The following NGLY1 variants were observed in gnomAD, a reference collection of about 807,000 sequenced individuals.
NGLY1 encodes the protein N-glycanase 1.
Under a neutral mutation model 84.6 loss-of-function variants are expected in NGLY1, and 68 were observed. That is an observed-to-expected ratio of 0.80 (90% CI 0.66 to 0.98). The LOEUF (loss-of-function observed/expected upper bound fraction) is 0.98. NGLY1 is among the 50% of genes least tolerant of loss of function. The pLI is 0.00. For synonymous variants in NGLY1, 280 were observed against 275.2 expected, an observed-to-expected ratio of 1.02 and a Z score of -0.17; for missense variants, 779 against 770.2, an observed-to-expected ratio of 1.01 and a Z score of -0.14.
At chr3:25,770,030 TATA>T (rs1707816933) in intron 2 of NGLY1, among the ~76,000 whole-genome samples, 1 of 152,048 alleles carries the variant, frequency 6.6e-6, no homozygotes, top group South Asian at 2.1e-4. Context: ...AGTGAGAACA[TATA>T]ATGTTTGGTT....
In NGLY1 at chr3:25,762,753, G is replaced by T. The variant is rs1707376603; in HGVS notation, c.492+1313C>A. Among the ~76,000 whole-genome samples, 4 of 152,140 alleles carry T rather than the reference G, an allele frequency of 2.6e-5. No individual in the cohort carries two copies. The South Asian group carries it at 8.3e-4, about 32-fold the overall frequency. ...GATCACTTGAGGTCAGGAGTTTTGAGACCAGCCTGGCACACATGGAGAAAC... is the reference window on the plus strand; with the variant it reads ...GATCACTTGAGGTCAGGAGTTTTGATACCAGCCTGGCACACATGGAGAAAC... On this transcript the variant is annotated intron_variant, in intron 3 of 11. Transcript: ENST00000280700.
chr3:25,768,112 C>CA lies in NGLY1; in HGVS notation c.247-3802dup, dbSNP rs1165791295. Among the ~76,000 whole-genome samples the CA allele has an allele frequency of 8.2e-3, 402 of 48,812 alleles. 4 individuals are homozygous for CA. Among genetic ancestry groups the CA allele is most frequent in the African/African-American group, 0.014 (178 of 12,852 alleles). 32.0% of individuals were successfully genotyped at this position (48,812 alleles called of 152,430 possible). A position where few individuals can be genotyped will look rare whatever the true frequency, so the allele number is the denominator to read the frequency against. On this transcript the variant is annotated intron_variant, in intron 2 of 11. Transcript: ENST00000280700. ...TGGGCGACAGAGCAAGACTCCATCT[C>CA]AAAAAAAAAAAAAAAAAAAAAAAAG...
rs752318754 is a variant in NGLY1 at position 25,736,111 on chromosome 3, G to A, written c.1042C>T (p.Arg348Trp). 4.3e-6 allele frequency: 7 copies of A among 1,613,830 alleles called. No individual in the cohort carries two copies. The East Asian group carries it at 6.7e-5, about 15-fold the overall frequency. ...WTEVYSPSQQ[R>W]WLHCDACEDV... ...TCACATGCATCACAGTGCAGCCACC[G>A]CTGCTGAGAAGGAGAATAGACTTCT... The change falls in exon 7 of 12, where the codon CGG becomes TGG. Residue 348 changes from arginine to tryptophan, a missense_variant. Physicochemically the swap from Arg to Trp is moderately radical, Grantham distance 101. Coordinates refer to ENST00000280700, the MANE Select transcript of NGLY1 (RefSeq NM_018297.4).
Position 25,720,083 on chromosome 3 carries a change from GACT to G in NGLY1, c.1717_1719del (p.Ser573del), listed in dbSNP as rs763674545. 7 of 1,613,736 alleles carry G rather than the reference GACT, an allele frequency of 4.3e-6. No individual in the cohort carries two copies. The highest frequency in any genetic ancestry group is 1.7e-4 in the Middle Eastern group (1 of 6,060). ...TCTACTGTTCCAGTCTGAAAAGTTT[GACT>G]ACTTGTTCTAATAGAAATGCTATCT... On this transcript the variant is annotated inframe_deletion, in exon 11 of 12. Transcript: ENST00000280700.
At chr3:25,759,993 C>A (rs1446908261) in intron 3 of NGLY1, among the ~76,000 whole-genome samples, 1 of 151,218 alleles carries the variant, frequency 6.6e-6, no homozygotes, top group Non-Finnish European at 1.5e-5. Context: ...TTTATGCAAC[C>A]CTTTATTTTG....
At position 25,778,621 on chromosome 3, in the gene NGLY1, G is replaced by T. The variant is rs1355136163; in HGVS notation, c.199C>A (p.Pro67Thr). 1 of 1,611,822 alleles carries T rather than the reference G, an allele frequency of 6.2e-7. No individual in the cohort carries two copies. Among genetic ancestry groups the T allele is most frequent in the East Asian group, 2.2e-5 (1 of 44,764 alleles). Residue 67 changes from proline to threonine, a missense_variant, in exon 2 of 12, where the codon CCT becomes ACT. Transcript: ENST00000280700. ...AAACATTCAACAGCTCCTCTGACAG[G>T]CAAGAGTCTAGTAGAAAAGGCTGTG... is the stretch of plus-strand genomic sequence containing the variant. ...GNTAFSTRLL[P>T]VRGAVECLFE...
chr3:25,754,530 C>T (rs1465421874), intron 3 of NGLY1, among the ~76,000 whole-genome samples: 1 of 152,026 alleles, frequency 6.6e-6, no homozygotes, highest in East Asian at 1.9e-4. Context: ...AAGAGTAAAA[C>T]GATCTGATGT....
At chr3:25,753,550 T>C (rs1278386478) in intron 3 of NGLY1, among the ~76,000 whole-genome samples, 1 of 152,070 alleles carries the variant, frequency 6.6e-6, no homozygotes. Flanking sequence ...AATTTTTTCA[T>C]AGGAAAGGTA....
chr3:25,787,997 G>A (rs372193653), upstream of NGLY1, among the ~76,000 whole-genome samples: 4 of 152,270 alleles, frequency 2.6e-5, no homozygotes, highest in African/African-American at 7.2e-5. Flanking sequence ...CTGACTTTAC[G>A]AGGTAGCACA....
chr3:25,743,653 G>C (rs1332241011), intron 4 of NGLY1, among the ~76,000 whole-genome samples: 1 of 151,954 alleles, frequency 6.6e-6, no homozygotes, highest in Non-Finnish European at 1.5e-5. Context: ...TGTTCTGCTT[G>C]CTATACACTA....
intron 2 of NGLY1, among the ~76,000 whole-genome samples, chr3:25,768,916 T>A (rs996802037): frequency 6.6e-6 from 1 of 151,956 alleles, no homozygotes; most frequent in Non-Finnish European, 1.5e-5. Context: ...ATTAAAAAGC[T>A]TATGCACAGC....
intron 4 of NGLY1, chr3:25,749,504 C>A (rs1363302849): frequency 2.5e-6 from 4 of 1,576,386 alleles, no homozygotes; most frequent in African/African-American, 1.3e-5. Context: ...GCCCTCAGAC[C>A]CCTTGTGAAG....
At chr3:25,761,349 G>A (rs1287845588) in intron 3 of NGLY1, among the ~76,000 whole-genome samples, 1 of 152,050 alleles carries the variant, frequency 6.6e-6, no homozygotes, top group Non-Finnish European at 1.5e-5. Flanking sequence ...TTGAAAAATT[G>A]TCCTTGCTGT....
chr3:25,733,202 T>C (rs1024159473), intron 8 of NGLY1, among the ~76,000 whole-genome samples: 1 of 152,134 alleles, frequency 6.6e-6, no homozygotes, highest in Non-Finnish European at 1.5e-5. Context: ...AGATTCAAAA[T>C]AGACTGAAAC....
chr3:25,782,006 A>G (rs1434535567), intron 1 of NGLY1, among the ~76,000 whole-genome samples: 1 of 152,132 alleles, frequency 6.6e-6, no homozygotes, highest in Non-Finnish European at 1.5e-5. Context: ...AAGGCCTCAA[A>G]GAGTAAAAAA....
At chr3:25,738,625 A>T (rs566797535) in intron 5 of NGLY1, among the ~76,000 whole-genome samples, 7 of 146,268 alleles carry the variant, frequency 4.8e-5, no homozygotes, top group Non-Finnish European at 1.1e-4. Context: ...AGGTAATTAA[A>T]TTTTTTTTTT....
chr3:25,769,465 C>T (rs1444368079), intron 2 of NGLY1, among the ~76,000 whole-genome samples: 2 of 152,260 alleles, frequency 1.3e-5, no homozygotes, highest in East Asian at 3.9e-4. Flanking sequence ...TGCTCAACAT[C>T]ACTAATTATC....
chr3:25,784,511 T>C (rs1362006672), upstream of NGLY1, among the ~76,000 whole-genome samples: 1 of 152,234 alleles, frequency 6.6e-6, no homozygotes, highest in Non-Finnish European at 1.5e-5. Context: ...TTCCCCACCA[T>C]GTTCTTGAAA....
At chr3:25,722,844 T>C (rs1401133390) in intron 10 of NGLY1, among the ~76,000 whole-genome samples, 3 of 152,190 alleles carry the variant, frequency 2.0e-5, no homozygotes, top group Admixed American at 6.5e-5. Flanking sequence ...ATTAGGCATC[T>C]GGGTTACACA....
Sources: allele counts gnomAD v4.1 joint callset (sites outside exome capture counted in the v4.1 genomes callset), GRCh38; gene constraint gnomAD v4.1.1; transcripts MANE v1.5; gene names NCBI Gene and HGNC (gene_info 2026-07-23, HGNC 2026-07-21).